Variants in SCAPER observed in about 807,000 individuals in gnomAD.
The protein encoded by SCAPER is S-phase cyclin A associated protein in the ER, also known as S phase cyclin A-associated protein in the endoplasmic reticulum.
A neutral mutation model predicts 182.2 loss-of-function variants in SCAPER; 98 were observed. The observed-to-expected ratio is 0.54, with a 90% CI of 0.46 to 0.64. The LOEUF (loss-of-function observed/expected upper bound fraction) is 0.64. Ranked by LOEUF, SCAPER falls within the 30% of genes least tolerant of loss-of-function variation. SCAPER has a pLI of 0.00. For synonymous variants in SCAPER, 605 were observed against 564.6 expected, an observed-to-expected ratio of 1.07 and a Z score of -1.01; for missense variants, 1,432 against 1,690.0, an observed-to-expected ratio of 0.85 and a Z score of 2.68.
intron 1 of SCAPER, among the ~76,000 whole-genome samples, chr15:76,895,868 A>T (rs1278715793): frequency 2.0e-5 from 3 of 151,720 alleles, no homozygotes; most frequent in Admixed American, 2.0e-4. Context: ...GTGAAACCCC[A>T]TCTCTACTAA....
chr15:76,607,517 T>G (rs1043512354), intron 22 of SCAPER, among the ~76,000 whole-genome samples: 6 of 152,172 alleles, frequency 3.9e-5, no homozygotes, highest in Admixed American at 6.5e-5. Context: ...TTCTTGAGGA[T>G]TATCTTTGTG....
chr15:76,588,157 C>G (rs928736973), intron 22 of SCAPER, among the ~76,000 whole-genome samples: 1 of 152,090 alleles, frequency 6.6e-6, no homozygotes, highest in East Asian at 1.9e-4. Context: ...CTCCTGACCT[C>G]GTGATCTGCC....
intron 23 of SCAPER, among the ~76,000 whole-genome samples, chr15:76,556,970 C>T (rs984038358): frequency 1.3e-5 from 2 of 152,086 alleles, no homozygotes; most frequent in African/African-American, 4.8e-5. Context: ...CCAGCAACAT[C>T]CCACATGAAA....
In SCAPER at chr15:76,774,858, G is replaced by A. The variant is rs1357661538; in HGVS notation, c.1032C>T (p.Thr344=). ...HSCDHPLAEK[T]QFTVSTLDDV... is the part of the protein sequence containing the mutation. ...AAGGATTTTCAGAATGTACTACCTG[G>A]GTTTTTTCGGCAAGAGGATGGTCAC... The change falls in exon 9 of 32, where the codon ACC becomes ACT. Residue 344 remains threonine (T), a synonymous_variant. Transcript: ENST00000563290. 5 of 1,609,690 alleles carry A rather than the reference G, an allele frequency of 3.1e-6. No homozygotes were observed. Among genetic ancestry groups the A allele is most frequent in the Non-Finnish European group, 3.4e-6 (4 of 1,177,926 alleles).
chr15:76,638,922 C>T (rs1285399994), intron 21 of SCAPER, among the ~76,000 whole-genome samples: 1 of 152,126 alleles, frequency 6.6e-6, no homozygotes, highest in Non-Finnish European at 1.5e-5. Context: ...AACCATTTTA[C>T]AGATGAGGAA....
chr15:76,568,288 A>G lies in SCAPER; in HGVS notation c.2838+5870T>C, dbSNP rs575626138. On this transcript the variant is annotated intron_variant, in intron 23 of 31. Transcript: ENST00000563290. ...CTTCTTTTTCTCCGTCTTGTCTCCA[A>G]TAGAACACTATCCTAATTACTGTGG... Among the ~76,000 whole-genome samples the G allele has an allele frequency of 2.5e-3, 381 of 151,118 alleles. 2 individuals carry two copies. The highest frequency in any genetic ancestry group is 4.2e-3 in the South Asian group (20 of 4,780).
At chr15:76,496,999 G>C (rs1289400697) in intron 24 of SCAPER, among the ~76,000 whole-genome samples, 2 of 151,894 alleles carry the variant, frequency 1.3e-5, no homozygotes, top group African/African-American at 2.4e-5. Flanking sequence ...ATAAGTCCAG[G>C]AGAAAATGAA....
intron 22 of SCAPER, among the ~76,000 whole-genome samples, chr15:76,611,838 A>G (rs139449695): frequency 0.016 from 2,366 of 152,312 alleles, 64 homozygotes; most frequent in African/African-American, 0.055. Flanking sequence ...ACTAAAGACA[A>G]AAACCACATG....
At chr15:76,538,723 T>TA (rs34173122) in intron 23 of SCAPER, among the ~76,000 whole-genome samples, 6 of 151,216 alleles carry the variant, frequency 4.0e-5, no homozygotes, top group African/African-American at 1.5e-4. Flanking sequence ...TAATAATAAT[T>TA]AAAAAAAAAA....
intron 22 of SCAPER, among the ~76,000 whole-genome samples, chr15:76,603,550 G>A (rs186638972): frequency 8.2e-6 from 1 of 121,938 alleles, no homozygotes; most frequent in Non-Finnish European, 2.0e-5. Context: ...TGTACCCAGT[G>A]ATGGGATGGC....
intron 23 of SCAPER, among the ~76,000 whole-genome samples, chr15:76,535,694 C>T (rs1297754392): frequency 6.6e-6 from 1 of 152,026 alleles, no homozygotes; most frequent in African/African-American, 2.4e-5. Flanking sequence ...AGAAATGCAC[C>T]AAGATTTCAC....
intron 20 of SCAPER, among the ~76,000 whole-genome samples, chr15:76,689,656 T>C (rs1235048830): frequency 6.6e-6 from 1 of 151,684 alleles, no homozygotes; most frequent in Non-Finnish European, 1.5e-5. Flanking sequence ...ACTCCTTATA[T>C]CTAGGTCTTG....
Position 76,733,384 on chromosome 15 carries a change from C to T in SCAPER, c.1867G>A (p.Val623Ile). The change falls in exon 16 of 32, where the codon GTA becomes ATA. Residue 623 changes from valine to isoleucine, a missense_variant and splice_region_variant. This residue lies in a region of SCAPER where 88 missense variants were observed against 184.2 expected (regional missense o/e 0.48). Transcript: ENST00000563290. ...VKKAQEEEAK[V>I]NEIAFINTLE... ...GTATTTATAAAGGCAATTTCATTTA[C>T]CTTTAAAAAAACAAAGAAGGTAAGG... 1 of 1,609,688 alleles carries T rather than the reference C, an allele frequency of 6.2e-7. No individual in the cohort carries two copies. Among genetic ancestry groups the T allele is most frequent in the African/African-American group, 1.3e-5 (1 of 74,584 alleles).
At chr15:76,368,431 G>T (rs977155665) in intron 29 of SCAPER, among the ~76,000 whole-genome samples, 1 of 152,220 alleles carries the variant, frequency 6.6e-6, no homozygotes, top group Non-Finnish European at 1.5e-5. Context: ...TTCGGAATTT[G>T]TAGTCAAATT....
chr15:76,904,288 C>A (rs2074950477), intron 1 of SCAPER, among the ~76,000 whole-genome samples: 1 of 152,112 alleles, frequency 6.6e-6, no homozygotes, highest in Non-Finnish European at 1.5e-5. Context: ...TTACTCCTAG[C>A]CCATCCATCC....
At chr15:76,511,215 G>A (rs1048205127) in intron 23 of SCAPER, among the ~76,000 whole-genome samples, 3 of 152,098 alleles carry the variant, frequency 2.0e-5, no homozygotes, top group Non-Finnish European at 4.4e-5. Flanking sequence ...ACTTACTCAT[G>A]TAACCAAATA....
chr15:76,510,225 T>C (rs2041911181), intron 23 of SCAPER, among the ~76,000 whole-genome samples: 1 of 152,022 alleles, frequency 6.6e-6, no homozygotes, highest in African/African-American at 2.4e-5. Context: ...GATAAATAGC[T>C]GGAATTTAAT....
chr15:76,771,863 T>C lies in SCAPER; in HGVS notation c.1127A>G (p.Asp376Gly). 6.2e-7 allele frequency: 1 copy of C among 1,613,136 alleles called. No individual in the cohort carries two copies. The highest frequency in any genetic ancestry group is 8.5e-7 in the Non-Finnish European group (1 of 1,179,356). ...CAGCATAACTGAAACACACTCTGTA[T>C]CAATGTGGACAGCAGATATTTCAGA... ...RTSEISAVHI[D>G]TECVSVMLQA... The change falls in exon 10 of 32, where the codon GAT (aspartate) becomes GGT (glycine). Residue 376 changes from aspartate (D) to glycine (G), a missense_variant. Physicochemically the swap from Asp to Gly is moderately conservative, Grantham distance 94 (BLOSUM62 -1). Around this residue, in one of 5 missense-constraint regions of SCAPER, gnomAD observed 480 missense variants for 510.2 expected, o/e 0.94. Transcript: ENST00000563290.
intron 27 of SCAPER, chr15:76,385,350 T>A (rs1165876209): frequency 6.6e-6 from 1 of 152,232 alleles, no homozygotes; most frequent in Non-Finnish European, 1.5e-5. Flanking sequence ...ATTTCCATGG[T>A]CCCCAGATTT....
Sources: gnomAD v4.1 joint callset for allele counts (sites outside exome capture counted in the v4.1 genomes callset) on GRCh38, gnomAD v4.1.1 for gene constraint, gnomAD v4.1.1 regional missense constraint, MANE v1.5 for transcripts, NCBI Gene and HGNC (gene_info 2026-07-23, HGNC 2026-07-21) for gene names.